Variants in PRPF18 observed in about 807,000 individuals in gnomAD.
The protein encoded by PRPF18 is pre-mRNA processing factor 18.
Under a neutral mutation model 46.5 loss-of-function variants are expected in PRPF18, and 38 were observed. That is an observed-to-expected ratio of 0.82 (90% CI 0.63 to 1.07). PRPF18 has a LOEUF of 1.07. PRPF18 is among the 50% of genes least tolerant of loss of function. The pLI is 0.00. For missense variants in PRPF18, 263 were observed against 410.0 expected (o/e 0.64, Z 3.10); for synonymous variants, 152 against 146.7 (o/e 1.04, Z -0.26).
At chr10:13,598,514 G>T (rs2080065120) in intron 2 of PRPF18, among the ~76,000 whole-genome samples, 1 of 152,036 alleles carries the variant, frequency 6.6e-6, no homozygotes, top group South Asian at 2.1e-4. Flanking sequence ...TTGTAGTGCT[G>T]GGAGAAGACA....
chr10:13,651,151 T>C, the PRPF18 span: 1 of 152,240 alleles, frequency 6.6e-6, no homozygotes, highest in African/African-American at 2.4e-5. Flanking sequence ...TTAGGTTCAG[T>C]AGGCCAGGGT....
chr10:13,600,460 C>G lies in PRPF18; in HGVS notation c.249+112C>G, dbSNP rs947931522. 6 of 733,128 alleles carry G rather than the reference C, an allele frequency of 8.2e-6. No homozygotes were observed. The South Asian group carries it at 1.7e-4, about 21-fold the overall frequency. 45.4% of individuals were successfully genotyped at this position (733,128 alleles called of 1,614,324 possible). A position where few individuals can be genotyped will look rare whatever the true frequency, so the allele number is the denominator to read the frequency against. On this transcript the variant is annotated intron_variant, in intron 3 of 9. Coordinates refer to ENST00000378572, the MANE Select transcript of PRPF18 (RefSeq NM_003675.4). The stretch of plus-strand genomic sequence containing the variant: ...TTATTTCCTGCGTAAAATGACTTAT[C>G]TAAAAATGCTGTGCAGCTAGTTTTC...
chr10:13,640,429 A>C, the PRPF18 span: 3 of 152,250 alleles, frequency 2.0e-5, no homozygotes, highest in Admixed American at 6.5e-5. Context: ...TCCCAAGCTC[A>C]GGTGGATTTT....
At chr10:13,634,304 C>G (rs1351541946), downstream of PRPF18, among the ~76,000 whole-genome samples, 1 of 152,208 alleles carries the variant, frequency 6.6e-6, no homozygotes, top group Non-Finnish European at 1.5e-5. Flanking sequence ...TCTTCCCTCT[C>G]TGTAAGCACC....
chr10:13,586,969 G>A lies in PRPF18; in HGVS notation c.-118G>A. The A allele has an allele frequency of 9.4e-7, 1 of 1,058,424 alleles. No individual in the cohort carries two copies. The highest frequency in any genetic ancestry group is 1.5e-6 in the Non-Finnish European group (1 of 680,428). The allele number at this position is 1,058,424 out of a possible 1,614,324, so 65.6% of individuals were successfully genotyped here. ...CCGCCGGAAGCGGCTCCTGTCAGTT[G>A]TTCTCAGGTGTTTGGGCTTGTTGTT... On this transcript the variant is annotated 5_prime_UTR_variant, in exon 1 of 10. Transcript: ENST00000378572.
the PRPF18 span, chr10:13,644,421 C>G: frequency 5.3e-5 from 8 of 152,346 alleles, no homozygotes; most frequent in African/African-American, 1.9e-4. Context: ...TTTGTATTAA[C>G]TGAACTCAGC....
chr10:13,591,928 G>GTTTT, intron 1 of PRPF18: 8 of 1,011,516 alleles, frequency 7.9e-6, no homozygotes, highest in African/African-American at 3.5e-5. Context: ...TCAACTGAGG[G>GTTTT]TTTTTTTTTT....
chr10:13,618,728 A>G (rs1452555274), intron 9 of PRPF18, among the ~76,000 whole-genome samples: 3 of 152,110 alleles, frequency 2.0e-5, no homozygotes, highest in Non-Finnish European at 4.4e-5. Flanking sequence ...TCTCCAGGGC[A>G]AGAACATAGT....
intron 9 of PRPF18, 79 bp downstream of exon 9, chr10:13,616,632 G>A (rs1461537536): frequency 7.4e-5 from 115 of 1,546,618 alleles, no homozygotes; most frequent in Non-Finnish European, 9.2e-5. Context: ...TGGAAAGCAG[G>A]CAGAGAATTA....
chr10:13,612,878 A>G (rs539910633), intron 6 of PRPF18, among the ~76,000 whole-genome samples: 52 of 152,246 alleles, frequency 3.4e-4, no homozygotes, highest in African/African-American at 1.2e-3. Flanking sequence ...CGTCTTCTCA[A>G]CATTTCTCTC....
At position 13,600,378 on chromosome 10, in the gene PRPF18, A is replaced by G. The variant is rs41291327; in HGVS notation, c.249+30A>G. The stretch of plus-strand genomic sequence containing the variant: ...GTTTATTTGTGATGGTTTCATGAGA[A>G]TAAGATCTCCACGGTGTTTACATTT... On this transcript the variant is annotated intron_variant, in intron 3 of 9. Coordinates refer to ENST00000378572, the MANE Select transcript of PRPF18 (RefSeq NM_003675.4). 16,054 of 1,503,708 alleles carry G rather than the reference A, an allele frequency of 0.011. 101 individuals carry two copies. The highest frequency in any genetic ancestry group is 0.013 in the Non-Finnish European group (14,432 of 1,086,310). 93.1% of individuals were successfully genotyped at this position (1,503,708 alleles called of 1,614,324 possible). A position where few individuals can be genotyped will look rare whatever the true frequency, so the allele number is the denominator to read the frequency against.
intron 1 of PRPF18, among the ~76,000 whole-genome samples, chr10:13,590,218 A>G (rs2079937649): frequency 2.0e-5 from 3 of 151,910 alleles, no homozygotes; most frequent in Non-Finnish European, 4.4e-5. Context: ...AGTTGATTGA[A>G]TTATCACATA....
Position 13,605,690 on chromosome 10 carries a change from T to C in PRPF18, c.309T>C (p.Tyr103=), listed in dbSNP as rs1243186055. 1 of 1,613,626 alleles carries C rather than the reference T, an allele frequency of 6.2e-7. No homozygotes were observed. The highest frequency in any genetic ancestry group is 2.2e-5 in the East Asian group (1 of 44,862). Residue 103 remains tyrosine (Y), a synonymous_variant, in exon 4 of 10, where the codon TAT becomes TAC. Transcript: ENST00000378572. ...EPIRLFGETD[Y]DAFQRLRKIE... ...TCAGACTATTTGGAGAGACTGATTA[T>C]GATGCTTTTCAACGTTTAAGGAAAA...
chr10:13,625,768 A>G (rs1269712807), intron 9 of PRPF18, among the ~76,000 whole-genome samples: 1 of 152,226 alleles, frequency 6.6e-6, no homozygotes, highest in Non-Finnish European at 1.5e-5. Context: ...ATACTGTCAT[A>G]CTTCTCACTG....
chr10:13,632,360 A>T (rs1243591550), downstream of PRPF18, among the ~76,000 whole-genome samples: 1 of 152,156 alleles, frequency 6.6e-6, no homozygotes, highest in Admixed American at 6.5e-5. Flanking sequence ...GCAAAAAAAA[A>T]TCAGTTAGAG....
chr10:13,587,301 G>A, intron 1 of PRPF18, 149 bp downstream of exon 1: 2 of 797,046 alleles, frequency 2.5e-6, no homozygotes, highest in East Asian at 4.9e-5. Context: ...GGCCCCCTTA[G>A]ATCCAACCCT....
At chr10:13,654,457 G>A in the PRPF18 span, 1 of 1,613,656 alleles carries the variant, frequency 6.2e-7, no homozygotes, top group Non-Finnish European at 8.5e-7. Flanking sequence ...TGCTTGGGGG[G>A]GTGGCTCCAA....
intron 2 of PRPF18, among the ~76,000 whole-genome samples, chr10:13,598,549 C>T (rs921187462): frequency 1.3e-5 from 2 of 151,950 alleles, no homozygotes; most frequent in African/African-American, 4.8e-5. Context: ...ATGTAGTTTT[C>T]AAAAGATACC....
rs774191278 is a variant in PRPF18 at position 13,600,353 on chromosome 10, G to A, written c.249+5G>A. ...ATGACGCTTTCTAGGCAAGAGGTAA[G>A]TTTATTTGTGATGGTTTCATGAGAA... On this transcript the variant is annotated splice_donor_5th_base_variant and intron_variant, in intron 3 of 9. Coordinates refer to ENST00000378572, the MANE Select transcript of PRPF18 (RefSeq NM_003675.4). 1.6e-5 allele frequency: 26 copies of A among 1,588,374 alleles called. No homozygotes were observed. In the South Asian group the frequency reaches 1.9e-4, roughly 12 times the overall value.
Sources: gnomAD v4.1 joint callset for allele counts (sites outside exome capture counted in the v4.1 genomes callset) on GRCh38, gnomAD v4.1.1 for gene constraint, MANE v1.5 for transcripts, NCBI Gene and HGNC (gene_info 2026-07-23, HGNC 2026-07-21) for gene names.